SDK1: variants seen among roughly 807,000 people sequenced by gnomAD.
The protein encoded by SDK1 is protein sidekick-1.
In SDK1, 157 loss-of-function variants were observed where a neutral mutation model predicts 245.5. That is an observed-to-expected ratio of 0.64 (90% CI 0.56 to 0.73). SDK1 has a LOEUF of 0.73. Ranked by LOEUF, SDK1 falls within the 30% of genes least tolerant of loss-of-function variation. SDK1 has a pLI of 0.00. For synonymous variants in SDK1, 1,647 were observed against 1,278.5 expected, an observed-to-expected ratio of 1.29 and a Z score of -6.15; for missense variants, 3,583 against 3,002.3, an observed-to-expected ratio of 1.19 and a Z score of -4.52.
chr7:3,333,939 G>C (rs959996010), intron 1 of SDK1, among the ~76,000 whole-genome samples: 2 of 152,198 alleles, frequency 1.3e-5, no homozygotes, highest in Non-Finnish European at 2.9e-5. Context: ...TGATTTGGCT[G>C]TTGCTGCTCC....
At chr7:4,019,764 A>G (rs2128153284) in intron 17 of SDK1, among the ~76,000 whole-genome samples, 1 of 152,042 alleles carries the variant, frequency 6.6e-6, no homozygotes, top group Non-Finnish European at 1.5e-5. Flanking sequence ...TGGGTCTCGG[A>G]GGGCCCAGCA....
chr7:3,750,245 G>A (rs534847125), intron 4 of SDK1, among the ~76,000 whole-genome samples: 2 of 152,342 alleles, frequency 1.3e-5, no homozygotes, highest in Admixed American at 1.3e-4. Flanking sequence ...TCAGAAAAGT[G>A]ACTATTTGGA....
intron 35 of SDK1, among the ~76,000 whole-genome samples, chr7:4,182,484 C>A (rs1485507442): frequency 2.0e-5 from 3 of 152,190 alleles, no homozygotes; most frequent in Non-Finnish European, 4.4e-5. Context: ...GGCAGGAGAG[C>A]AGCTGGGGAA....
rs115277869 is a variant in SDK1, at chr7:4,004,211, A to C, written c.2132-6755A>C. 1.2e-3 allele frequency among the ~76,000 whole-genome samples: 190 copies of C among 152,364 alleles called. 1 individual carries two copies. Among genetic ancestry groups the C allele is most frequent in the African/African-American group, 4.4e-3 (183 of 41,592 alleles). On this transcript the variant is annotated intron_variant, in intron 14 of 44. Coordinates refer to ENST00000404826, the MANE Select transcript of SDK1 (RefSeq NM_152744.4). ...GGCACTCTTCTAGTTGCTGAGGACCAAACAGGGAATAAAATAGATCCCAAG... is the reference window on the plus strand; with the variant it reads ...GGCACTCTTCTAGTTGCTGAGGACCCAACAGGGAATAAAATAGATCCCAAG...
intron 1 of SDK1, among the ~76,000 whole-genome samples, chr7:3,522,887 CTGATT>C: frequency 1.9e-5 from 1 of 53,522 alleles, no homozygotes; most frequent in South Asian, 1.1e-3. Flanking sequence ...CTGCGGAGAT[CTGATT>C]AGTTTGTTAA....
chr7:4,068,688 C>G (rs1780053975), intron 20 of SDK1, among the ~76,000 whole-genome samples: 1 of 147,298 alleles, frequency 6.8e-6, no homozygotes, highest in South Asian at 2.1e-4. Flanking sequence ...TGGGAGACAG[C>G]TCACCTTTTT....
chr7:3,664,152 C>G (rs1352574703), intron 4 of SDK1, among the ~76,000 whole-genome samples: 1 of 152,044 alleles, frequency 6.6e-6, no homozygotes, highest in East Asian at 1.9e-4. Flanking sequence ...AGATATTTTT[C>G]TTTCTTCTTG....
At chr7:4,107,373 C>T (rs569047461) in intron 22 of SDK1, among the ~76,000 whole-genome samples, 12 of 152,154 alleles carry the variant, frequency 7.9e-5, no homozygotes, top group Admixed American at 5.9e-4. Flanking sequence ...GAGCTACGCA[C>T]GTGAGCCACG....
rs146387211 is a variant in SDK1, at chr7:3,483,603, A to G, written c.299-135477A>G. On this transcript the variant is annotated intron_variant, in intron 1 of 44. Transcript: ENST00000404826. ...AATGCGGGATTTTAACAAGTGGAAC[A>G]GATATCCTTGTTTTCTTCTTCATTT... Among the ~76,000 whole-genome samples, 1,090 of 152,320 alleles carry G rather than the reference A, an allele frequency of 7.2e-3. 2 individuals are homozygous for G. Among genetic ancestry groups the G allele is most frequent in the Non-Finnish European group, 0.012 (814 of 68,018 alleles).
intron 4 of SDK1, among the ~76,000 whole-genome samples, chr7:3,683,968 C>T (rs1562369014): frequency 6.6e-6 from 1 of 152,198 alleles, no homozygotes; most frequent in Non-Finnish European, 1.5e-5. Flanking sequence ...GCACCCCCTT[C>T]ATCACCTGGC....
At position 3,791,746 on chromosome 7, in the gene SDK1, G is replaced by A. The variant is rs538586110; in HGVS notation, c.714-29704G>A. Among the ~76,000 whole-genome samples, 5 of 152,262 alleles carry A rather than the reference G, an allele frequency of 3.3e-5. 1 individual carries two copies. The highest frequency in any genetic ancestry group is 9.6e-5 in the African/African-American group (4 of 41,542). ...GACCTTAATCAAGGGTGATCTGTTC[G>A]GAGAGTGCTCTATGGATGCCATTCT... is the stretch of plus-strand genomic sequence containing the variant. On this transcript the variant is annotated intron_variant, in intron 4 of 44. Transcript: ENST00000404826.
intron 5 of SDK1, among the ~76,000 whole-genome samples, chr7:3,828,390 A>T (rs1247798790): frequency 6.6e-6 from 1 of 152,028 alleles, no homozygotes; most frequent in Non-Finnish European, 1.5e-5. Flanking sequence ...TTCCATTTTC[A>T]TCTGTTGCTT....
chr7:3,756,612 A>G (rs1207221616), intron 4 of SDK1, among the ~76,000 whole-genome samples: 1 of 151,780 alleles, frequency 6.6e-6, no homozygotes, highest in African/African-American at 2.4e-5. Context: ...ATTTGCTCCT[A>G]ATGCCCTTTT....
intron 1 of SDK1, among the ~76,000 whole-genome samples, chr7:3,418,195 T>C (rs1009056822): frequency 2.7e-5 from 4 of 146,730 alleles, no homozygotes; most frequent in African/African-American, 1.0e-4. Context: ...TGCGTGCCTG[T>C]AATCCCAGCT....
chr7:4,130,702 C>G (rs914022910), intron 27 of SDK1, among the ~76,000 whole-genome samples: 3 of 152,156 alleles, frequency 2.0e-5, no homozygotes, highest in Non-Finnish European at 4.4e-5. Context: ...TCATGGAACT[C>G]TAAATCATCG....
intron 1 of SDK1, among the ~76,000 whole-genome samples, chr7:3,432,331 A>G (rs899368618): frequency 1.3e-5 from 2 of 151,972 alleles, no homozygotes; most frequent in African/African-American, 4.8e-5. Flanking sequence ...GCCCCAGTCA[A>G]GAATGACTGT....
rs1788610047 is a variant in SDK1 at position 4,268,526 on chromosome 7, A to C, written c.*3142A>C. On this transcript the variant is annotated 3_prime_UTR_variant, in exon 45 of 45. Transcript: ENST00000404826. ...GGAGAGGGGACCCAGATGGCCACAC[A>C]CGGAACGCGCCTCCACAGCCCCGGG... The C allele has an allele frequency of 8.1e-7, 1 of 1,235,952 alleles. No homozygotes were observed. 76.6% of individuals were successfully genotyped at this position (1,235,952 alleles called of 1,614,324 possible). A position where few individuals can be genotyped will look rare whatever the true frequency, so the allele number is the denominator to read the frequency against.
At chr7:3,759,786 T>C (rs970350326) in intron 4 of SDK1, among the ~76,000 whole-genome samples, 7 of 151,942 alleles carry the variant, frequency 4.6e-5, no homozygotes, top group Admixed American at 2.0e-4. Context: ...AGAGACGGGG[T>C]TTCACCATGT....
At chr7:3,697,157 G>C (rs1529656) in intron 4 of SDK1, among the ~76,000 whole-genome samples, 122,120 of 152,064 alleles carry the variant, frequency 0.8, 49,156 homozygotes, top group African/African-American at 0.83. Flanking sequence ...GAACATCAAT[G>C]ATCCCATGCT....
Sources: gnomAD v4.1 joint callset for allele counts (sites outside exome capture counted in the v4.1 genomes callset) on GRCh38, gnomAD v4.1.1 for gene constraint, MANE v1.5 for transcripts, NCBI Gene and HGNC (gene_info 2026-07-23, HGNC 2026-07-21) for gene names.